The following CFAP20DC variants were observed in gnomAD, a reference collection of about 807,000 sequenced individuals.
CFAP20DC encodes the protein CFAP20 domain containing, also known as protein CFAP20DC.
CFAP20DC carries 84 observed loss-of-function variants against 101.7 expected under a neutral mutation model. The ratio of observed to expected loss-of-function variants is 0.83; its 90% CI spans 0.69 to 0.99. The LOEUF (loss-of-function observed/expected upper bound fraction) is 0.99, where lower values mean the gene tolerates loss of function less well. Among genes scored for constraint, CFAP20DC ranks in the 50% least tolerant of loss-of-function variants. CFAP20DC has a pLI of 0.00. For missense variants in CFAP20DC, 1,007 were observed against 970.3 expected, an observed-to-expected ratio of 1.04 and a Z score of -0.50; for synonymous variants, 359 against 351.2, an observed-to-expected ratio of 1.02 and a Z score of -0.25.
chr3:58,808,639 G>C (rs961719299), intron 14 of CFAP20DC, among the ~76,000 whole-genome samples: 1 of 152,156 alleles, frequency 6.6e-6, no homozygotes, highest in Admixed American at 6.5e-5. Flanking sequence ...ATCGAGGCTA[G>C]GAAGAAACTC....
intron 5 of CFAP20DC, among the ~76,000 whole-genome samples, chr3:58,918,013 T>C (rs150777149): frequency 1.5e-3 from 227 of 152,304 alleles, no homozygotes; most frequent in Middle Eastern, 0.01. Context: ...TATCTCTTAC[T>C]GAAATCATAG....
Position 58,928,423 on chromosome 3 carries a change from G to C in CFAP20DC, c.393+9225C>G, listed in dbSNP as rs2086219767. Among the ~76,000 whole-genome samples, 3 of 152,120 alleles carry C rather than the reference G, an allele frequency of 2.0e-5. 1 individual carries two copies. In the South Asian group the frequency reaches 6.2e-4, roughly 32 times the overall value. The stretch of plus-strand genomic sequence containing the variant: ...TACTCTATGCCAGGCACTGTTCTAA[G>C]AGCTTTATGCTTATTAATTCATGTA... On this transcript the variant is annotated intron_variant, in intron 5 of 16. Transcript: ENST00000482387.
intron 6 of CFAP20DC, among the ~76,000 whole-genome samples, chr3:58,891,151 A>G (rs2082206710): frequency 6.6e-6 from 1 of 151,744 alleles, no homozygotes; most frequent in Admixed American, 6.6e-5. Context: ...CACTGAGTGA[A>G]CGAGACTCCG....
At chr3:58,781,077 T>C (rs2071783766) in intron 15 of CFAP20DC, among the ~76,000 whole-genome samples, 1 of 151,920 alleles carries the variant, frequency 6.6e-6, no homozygotes, top group Non-Finnish European at 1.5e-5. Context: ...CATCAAAATC[T>C]TATTCAGTAT....
At chr3:58,773,416 A>T (rs1159581740) in intron 15 of CFAP20DC, among the ~76,000 whole-genome samples, 11 of 129,912 alleles carry the variant, frequency 8.5e-5, no homozygotes, top group Non-Finnish European at 3.2e-5. Context: ...AAAGAAAAAG[A>T]AAAAAAAGTA....
At chr3:58,866,959 A>G (rs978768988) in intron 10 of CFAP20DC, among the ~76,000 whole-genome samples, 4 of 152,338 alleles carry the variant, frequency 2.6e-5, no homozygotes, top group African/African-American at 9.6e-5. Flanking sequence ...GCCAAAACCC[A>G]TAAAATTTTT....
At chr3:58,782,147 C>T (rs1006582986) in intron 15 of CFAP20DC, among the ~76,000 whole-genome samples, 4 of 151,860 alleles carry the variant, frequency 2.6e-5, no homozygotes, top group Admixed American at 6.6e-5. Context: ...TGATACATCG[C>T]ATTAACAGAA....
chr3:58,935,498 G>A (rs560020462), intron 5 of CFAP20DC, among the ~76,000 whole-genome samples: 1 of 149,958 alleles, frequency 6.7e-6, no homozygotes, highest in Non-Finnish European at 1.5e-5. Flanking sequence ...AAAGCTGGAG[G>A]TATCGCGCTA....
At chr3:58,759,639 G>A (rs1182420271) in intron 15 of CFAP20DC, among the ~76,000 whole-genome samples, 2 of 152,158 alleles carry the variant, frequency 1.3e-5, no homozygotes, top group Non-Finnish European at 2.9e-5. Flanking sequence ...TATTGCCTAG[G>A]TTTTCTTCTA....
chr3:58,761,402 T>C (rs1441105375), intron 15 of CFAP20DC, among the ~76,000 whole-genome samples: 3 of 152,232 alleles, frequency 2.0e-5, no homozygotes, highest in African/African-American at 7.2e-5. Flanking sequence ...CATTTTTTAT[T>C]GCACCTATTT....
chr3:58,839,462 T>C (rs1289871085), intron 13 of CFAP20DC, among the ~76,000 whole-genome samples: 2 of 152,216 alleles, frequency 1.3e-5, no homozygotes, highest in Non-Finnish European at 1.5e-5. Flanking sequence ...CCTCAAACCA[T>C]TAAAGTCACA....
At chr3:58,781,756 GAACAAT>G (rs1225066827) in intron 15 of CFAP20DC, among the ~76,000 whole-genome samples, 4 of 152,010 alleles carry the variant, frequency 2.6e-5, no homozygotes, top group African/African-American at 9.7e-5. Flanking sequence ...AACCTGAACA[GAACAAT>G]AACAAGTTAT....
intron 6 of CFAP20DC, among the ~76,000 whole-genome samples, chr3:58,908,719 T>C (rs78766178): frequency 0.018 from 2,673 of 152,350 alleles, 41 homozygotes; most frequent in Middle Eastern, 0.054. Context: ...AACAGTTTTA[T>C]TCATAATTGC....
chr3:58,772,489 GCAGCATATACTGC>G (rs2070938613), intron 15 of CFAP20DC, among the ~76,000 whole-genome samples: 1 of 152,160 alleles, frequency 6.6e-6, no homozygotes, highest in Non-Finnish European at 1.5e-5. Context: ...TGGGACACTA[GCAGCATATACTGC>G]CAGAGTGTAA....
At position 58,913,417 on chromosome 3, in the gene CFAP20DC, A is replaced by T. The variant is rs563226026; in HGVS notation, c.550+291T>A. On this transcript the variant is annotated intron_variant, in intron 6 of 16. Coordinates refer to ENST00000482387, the MANE Select transcript of CFAP20DC (RefSeq NM_001394063.1). The surrounding 1 kb of genome is among the most constrained non-coding windows in gnomAD (Gnocchi z 4.4). ...AATTCCTGTTCTTTTTCAACCACCT[A>T]AAGAGGATTATGTTGTTTGTAACTA... Among the ~76,000 whole-genome samples, 313 of 152,204 alleles carry T rather than the reference A, an allele frequency of 2.1e-3. 2 individuals carry two copies. Among genetic ancestry groups the T allele is most frequent in the African/African-American group, 7.4e-3 (306 of 41,546 alleles).
intron 12 of CFAP20DC, chr3:58,862,854 G>A (rs1223574287): frequency 5.1e-6 from 5 of 984,810 alleles, no homozygotes; most frequent in East Asian, 1.1e-4. Context: ...GAAAATCCAC[G>A]ACTAAATGCA....
In CFAP20DC at chr3:58,806,438, G is replaced by C; in HGVS notation, c.2194C>G (p.His732Asp). 1 of 1,612,260 alleles carries C rather than the reference G, an allele frequency of 6.2e-7. No homozygotes were observed. Among genetic ancestry groups the C allele is most frequent in the East Asian group, 2.2e-5 (1 of 44,868 alleles). Residue 732 changes from histidine to aspartate, a missense_variant, in exon 15 of 17, where the codon CAC (histidine) becomes GAC (aspartate). By Grantham distance (81) the His-to-Asp change is moderately conservative. Transcript: ENST00000482387. ...CLPPPVNQGR[H>D]YQKEMNPPSP... ...GGTGGGTTCATTTCTTTCTGATAGT[G>C]GCGACCCTGGTTGACAGGCTGGAAA... is the stretch of plus-strand genomic sequence containing the variant.
intron 14 of CFAP20DC, among the ~76,000 whole-genome samples, chr3:58,808,600 C>T (rs906630916): frequency 2.3e-4 from 35 of 152,204 alleles, no homozygotes; most frequent in Non-Finnish European, 4.1e-4. Context: ...GTACCAGCCA[C>T]TGCAAAATCA....
intron 15 of CFAP20DC, among the ~76,000 whole-genome samples, chr3:58,768,523 T>C (rs983820934): frequency 6.6e-6 from 1 of 152,200 alleles, no homozygotes; most frequent in Non-Finnish European, 1.5e-5. Flanking sequence ...ACTTAGCTCT[T>C]GAATATGTGT....
Sources: allele counts gnomAD v4.1 joint callset (sites outside exome capture counted in the v4.1 genomes callset), GRCh38; gene constraint gnomAD v4.1.1; non-coding constraint Gnocchi (gnomAD v3.1); transcripts MANE v1.5; gene names NCBI Gene and HGNC (gene_info 2026-07-23, HGNC 2026-07-21).